Variants in LAMA2 observed in about 807,000 individuals in gnomAD.
LAMA2 encodes the protein laminin subunit alpha-2.
LAMA2 carries 269 observed loss-of-function variants against 364.8 expected under a neutral mutation model. That is an observed-to-expected ratio of 0.74 (90% CI 0.67 to 0.82). The LOEUF (loss-of-function observed/expected upper bound fraction) is 0.82, where lower values mean the gene tolerates loss of function less well. Among genes scored for constraint, LAMA2 ranks in the 40% least tolerant of loss-of-function variants. The pLI is 0.00. For missense variants in LAMA2, 3,807 were observed against 3,873.2 expected (o/e 0.98, Z 0.45); for synonymous variants, 1,379 against 1,370.6 (o/e 1.01, Z -0.14).
intron 9 of LAMA2, among the ~76,000 whole-genome samples, chr6:129,172,647 A>T (rs1312138570): frequency 7.2e-5 from 11 of 152,220 alleles, no homozygotes; most frequent in Admixed American, 7.2e-4. Flanking sequence ...CCCTGCCCCC[A>T]GAGGTGGAGC....
At chr6:129,502,151 A>G (rs975283165) in intron 58 of LAMA2, among the ~76,000 whole-genome samples, 6 of 152,296 alleles carry the variant, frequency 3.9e-5, no homozygotes, top group East Asian at 3.9e-4. Flanking sequence ...GCAGGTTTAG[A>G]TACACCATCT....
chr6:129,190,137 T>C, intron 10 of LAMA2, 68 bp from the exon 11 acceptor site: 1 of 1,475,402 alleles, frequency 6.8e-7, no homozygotes, highest in Non-Finnish European at 9.5e-7. Context: ...ATTTTCCTTA[T>C]ACAGACATGG....
At chr6:129,156,160 TG>T (rs1226686090) in intron 8 of LAMA2, among the ~76,000 whole-genome samples, 3 of 151,366 alleles carry the variant, frequency 2.0e-5, no homozygotes, top group African/African-American at 7.3e-5. Flanking sequence ...TTTCACAATT[TG>T]TATATATATA....
chr6:129,115,551 C>T (rs1413835887), intron 4 of LAMA2, among the ~76,000 whole-genome samples: 1 of 152,090 alleles, frequency 6.6e-6, no homozygotes, highest in African/African-American at 2.4e-5. Flanking sequence ...AAATTCAATT[C>T]CTAAATTCCT....
intron 10 of LAMA2, among the ~76,000 whole-genome samples, chr6:129,186,521 T>G (rs1781239529): frequency 6.6e-6 from 1 of 151,702 alleles, no homozygotes; most frequent in Non-Finnish European, 1.5e-5. Flanking sequence ...ATAAATGCCC[T>G]TTAGTAGATA....
At chr6:129,037,876 A>C (rs867204135) in intron 1 of LAMA2, among the ~76,000 whole-genome samples, 3 of 152,206 alleles carry the variant, frequency 2.0e-5, no homozygotes, top group Middle Eastern at 3.4e-3. Context: ...TCACCGTGTT[A>C]GCCAGGATGG....
intron 1 of LAMA2, among the ~76,000 whole-genome samples, chr6:129,049,295 A>G (rs576108315): frequency 2.6e-5 from 4 of 152,304 alleles, no homozygotes; most frequent in African/African-American, 9.6e-5. Flanking sequence ...TATCTAAGAC[A>G]TAATTACTGG....
intron 1 of LAMA2, among the ~76,000 whole-genome samples, chr6:128,997,986 A>T (rs151003245): frequency 5.9e-4 from 89 of 152,134 alleles, no homozygotes; most frequent in Non-Finnish European, 1.1e-3. Context: ...GGAGAAGGTG[A>T]TGGATAGGAG....
rs561972803 is a variant in LAMA2 at position 129,138,220 on chromosome 6, G to A, written c.640-5681G>A. Among the ~76,000 whole-genome samples, 136 of 152,068 alleles carry A rather than the reference G, an allele frequency of 8.9e-4. 2 individuals are homozygous for A. Among genetic ancestry groups the A allele is most frequent in the Middle Eastern group, 6.8e-3 (2 of 294 alleles). ...ATGGGAAATATTGAAATATAAAGAG[G>A]AAGGCCAGAGATAAAGCTCTGAAAG... On this transcript the variant is annotated intron_variant, in intron 4 of 64. Transcript: ENST00000421865.
chr6:128,883,176 C>G lies in LAMA2; in HGVS notation c.-70C>G, dbSNP rs543685962. On this transcript the variant is annotated 5_prime_UTR_variant, in exon 1 of 65. Coordinates refer to ENST00000421865, the MANE Select transcript of LAMA2 (RefSeq NM_000426.4). ...GCTGCTGCTCGCTCAGCTCACAAGCCAAGGCCAGGGGACAGGGCGGCAGCG... is the reference window on the plus strand; with the variant it reads ...GCTGCTGCTCGCTCAGCTCACAAGCGAAGGCCAGGGGACAGGGCGGCAGCG... The G allele has an allele frequency of 2.6e-5, 37 of 1,443,858 alleles. No homozygotes were observed. The South Asian group carries it at 4.0e-4, about 16-fold the overall frequency. The allele number at this position is 1,443,858 out of a possible 1,614,324, so 89.4% of individuals were successfully genotyped here.
intron 12 of LAMA2, among the ~76,000 whole-genome samples, chr6:129,202,079 T>C (rs1345010380): frequency 1.3e-5 from 2 of 148,620 alleles, no homozygotes; most frequent in African/African-American, 2.5e-5. Flanking sequence ...TCCCAGCTGC[T>C]CAGGAGGCTG....
chr6:129,280,093 T>C lies in LAMA2; in HGVS notation c.2483T>C (p.Leu828Pro), dbSNP rs768051568. Residue 828 changes from leucine to proline, a missense_variant, in exon 18 of 65, where the codon CTT becomes CCT. Leu to Pro is a moderately conservative substitution (Grantham distance 98, BLOSUM62 -3). Around this residue, in one of 3 missense-constraint regions of LAMA2, gnomAD observed 3,333 missense variants for 3,345.7 expected, o/e 1.00. Transcript: ENST00000421865. ...CCAACGTGCCATTTAGACCGGAGTC[T>C]TGGATTGATCTGTGATGGATGCCCT... ...FSPTCHLDRS[L>P]GLICDGCPVG... 2 of 1,613,560 alleles carry C rather than the reference T, an allele frequency of 1.2e-6. No individual in the cohort carries two copies. Among genetic ancestry groups the C allele is most frequent in the South Asian group, 2.2e-5 (2 of 91,080 alleles).
At chr6:129,487,505 A>T (rs1162730821) in intron 56 of LAMA2, among the ~76,000 whole-genome samples, 1 of 152,196 alleles carries the variant, frequency 6.6e-6, no homozygotes, top group East Asian at 1.9e-4. Flanking sequence ...CTGGAAATCC[A>T]ATTTGATGAG....
chr6:128,938,959 A>T (rs1293022441), intron 1 of LAMA2, among the ~76,000 whole-genome samples: 3 of 152,176 alleles, frequency 2.0e-5, no homozygotes, highest in African/African-American at 7.2e-5. Context: ...CAAAATTTCA[A>T]TACTTTCCAC....
chr6:129,260,559 G>T (rs1787045726), intron 14 of LAMA2, 152 bp from the exon 15 acceptor site: 1 of 680,952 alleles, frequency 1.5e-6, no homozygotes. Flanking sequence ...ATATGACAAA[G>T]GACCAGAGCT....
At chr6:128,961,369 T>TA (rs1562873217) in intron 1 of LAMA2, among the ~76,000 whole-genome samples, 25 of 69,122 alleles carry the variant, frequency 3.6e-4, no homozygotes, top group African/African-American at 1.1e-3. Context: ...ATATATATAT[T>TA]AGTTTATTAA....
At chr6:129,326,681 C>G (rs1775309980) in intron 28 of LAMA2, among the ~76,000 whole-genome samples, 1 of 142,224 alleles carries the variant, frequency 7.0e-6, no homozygotes, top group Non-Finnish European at 1.5e-5. Context: ...GTCAATAACA[C>G]AACAATTTTA....
chr6:129,311,391 G>A (rs921013271), intron 22 of LAMA2, among the ~76,000 whole-genome samples: 11 of 152,212 alleles, frequency 7.2e-5, no homozygotes, highest in Non-Finnish European at 1.3e-4. Flanking sequence ...AAAGTGCTGG[G>A]ATTACAGGCA....
At chr6:129,223,513 T>G (rs1159810500) in intron 12 of LAMA2, among the ~76,000 whole-genome samples, 1 of 152,202 alleles carries the variant, frequency 6.6e-6, no homozygotes, top group Non-Finnish European at 1.5e-5. Flanking sequence ...TTGAATTAAT[T>G]TTTGTATAAG....
Sources: gnomAD v4.1 joint callset for allele counts (sites outside exome capture counted in the v4.1 genomes callset) on GRCh38, gnomAD v4.1.1 for gene constraint, gnomAD v4.1.1 regional missense constraint, MANE v1.5 for transcripts, NCBI Gene and HGNC (gene_info 2026-07-23, HGNC 2026-07-21) for gene names.